KCNT2: variants seen among roughly 807,000 people sequenced by gnomAD.
KCNT2 encodes the protein potassium sodium-activated channel subfamily T member 2, also known as potassium channel subfamily T member 2.
Under a neutral mutation model 153.8 loss-of-function variants are expected in KCNT2, and 67 were observed. The ratio of observed to expected loss-of-function variants is 0.44; its 90% CI spans 0.36 to 0.53. The LOEUF (loss-of-function observed/expected upper bound fraction) is 0.53. Among genes scored for constraint, KCNT2 ranks in the 20% least tolerant of loss-of-function variants. The probability of loss-of-function intolerance (pLI) is 0.00; values close to 1 mark genes in which losing one functional copy is unlikely to be tolerated. For synonymous variants in KCNT2, 500 were observed against 458.8 expected, an observed-to-expected ratio of 1.09 and a Z score of -1.15; for missense variants, 975 against 1,354.8, an observed-to-expected ratio of 0.72 and a Z score of 4.40.
intron 8 of KCNT2, among the ~76,000 whole-genome samples, chr1:196,443,005 A>G (rs985444222): frequency 6.6e-6 from 1 of 151,608 alleles, no homozygotes. Context: ...TAGATAAATA[A>G]GGTGGTGACT....
intron 1 of KCNT2, 56 bp downstream of exon 1, chr1:196,608,159 A>C: frequency 6.6e-7 from 1 of 1,522,024 alleles, no homozygotes; most frequent in Admixed American, 1.7e-5. Flanking sequence ...CGGCCCTCCC[A>C]TTTCCGTCTC....
chr1:196,388,234 C>A (rs1012915938), intron 13 of KCNT2, among the ~76,000 whole-genome samples: 9 of 151,674 alleles, frequency 5.9e-5, no homozygotes, highest in Admixed American at 5.3e-4. Flanking sequence ...TGATCTACTT[C>A]TGGGTTGTAT....
chr1:196,550,838 G>C (rs1272813472), intron 1 of KCNT2, among the ~76,000 whole-genome samples: 1 of 151,778 alleles, frequency 6.6e-6, no homozygotes, highest in Non-Finnish European at 1.5e-5. Context: ...GAAGCTCTGA[G>C]AGAGATTGCT....
intron 1 of KCNT2, among the ~76,000 whole-genome samples, chr1:196,605,791 A>G (rs1352941044): frequency 6.6e-6 from 1 of 152,114 alleles, no homozygotes; most frequent in Non-Finnish European, 1.5e-5. Flanking sequence ...GAAAAGGGAG[A>G]AAAAAAGGAT....
At chr1:196,590,358 G>A (rs1190163963) in intron 1 of KCNT2, among the ~76,000 whole-genome samples, 1 of 152,186 alleles carries the variant, frequency 6.6e-6, no homozygotes. Context: ...ATCAGCAGAT[G>A]CCAGCTACTG....
intron 8 of KCNT2, 50 bp from the exon 9 acceptor site, chr1:196,429,807 A>C: frequency 7.8e-7 from 1 of 1,286,696 alleles, no homozygotes; most frequent in Non-Finnish European, 1.1e-6. Flanking sequence ...CTGGACACAT[A>C]ATTTCTCATC....
intron 1 of KCNT2, among the ~76,000 whole-genome samples, chr1:196,590,437 T>C (rs1256512366): frequency 1.3e-5 from 2 of 152,094 alleles, no homozygotes; most frequent in East Asian, 1.9e-4. Flanking sequence ...GAAAGAGAAA[T>C]AGTGTAATGG....
chr1:196,436,890 G>A (rs758444256), intron 8 of KCNT2, among the ~76,000 whole-genome samples: 1 of 146,988 alleles, frequency 6.8e-6, no homozygotes, highest in Non-Finnish European at 1.5e-5. Flanking sequence ...AGTGGCAAAA[G>A]AATTTAATAA....
intron 1 of KCNT2, among the ~76,000 whole-genome samples, chr1:196,495,198 T>C (rs1680161025): frequency 6.6e-6 from 1 of 152,062 alleles, no homozygotes. Context: ...TGTTTTTTGA[T>C]ACATGACTTA....
rs1462767962 is a variant in KCNT2 at position 196,546,215 on chromosome 1, T to C, written c.96-53874A>G. On this transcript the variant is annotated intron_variant, in intron 1 of 27. Coordinates refer to ENST00000294725, the MANE Select transcript of KCNT2 (RefSeq NM_198503.5). Reference sequence around the variant, plus strand: ...CCCATGCTAAATATTATTCTTCTATTCTGTGAATTATCTTTATAATTTCTT... The same window carrying C: ...CCCATGCTAAATATTATTCTTCTATCCTGTGAATTATCTTTATAATTTCTT... 2.0e-5 allele frequency among the ~76,000 whole-genome samples: 3 copies of C among 152,140 alleles called. No homozygotes were observed. The East Asian group carries it at 5.8e-4, about 29-fold the overall frequency.
At chr1:196,329,532 T>G (rs1664228632) in intron 18 of KCNT2, among the ~76,000 whole-genome samples, 1 of 151,978 alleles carries the variant, frequency 6.6e-6, no homozygotes. Context: ...ACTTTAACTG[T>G]GCATTTAAAG....
At chr1:196,396,386 T>G (rs997322288) in intron 13 of KCNT2, among the ~76,000 whole-genome samples, 5 of 151,580 alleles carry the variant, frequency 3.3e-5, no homozygotes, top group African/African-American at 9.7e-5. Flanking sequence ...GGTAAAAAGC[T>G]GCAAAATCAC....
At chr1:196,579,779 C>T (rs557927583) in intron 1 of KCNT2, among the ~76,000 whole-genome samples, 3 of 152,130 alleles carry the variant, frequency 2.0e-5, no homozygotes, top group Admixed American at 1.3e-4. Flanking sequence ...GAGCATGAGC[C>T]ACCACACTCC....
chr1:196,228,354 A>T lies in KCNT2; in HGVS notation c.3297-19T>A. ...TAAGTATCTAATAAAAGAAAACAAA[A>T]TAAATAACTTTGCAATAGTAAATAC... On this transcript the variant is annotated intron_variant, in intron 27 of 27. Transcript: ENST00000294725. 1 of 1,342,932 alleles carries T rather than the reference A, an allele frequency of 7.4e-7. No homozygotes were observed. The highest frequency in any genetic ancestry group is 1.1e-6 in the Non-Finnish European group (1 of 943,928). The allele number at this position is 1,342,932 out of a possible 1,614,324, so 83.2% of individuals were successfully genotyped here. A position where few individuals can be genotyped will look rare whatever the true frequency, so the allele number is the denominator to read the frequency against.
chr1:196,425,647 G>T lies in KCNT2; in HGVS notation c.1121+205C>A, dbSNP rs531300562. Among the ~76,000 whole-genome samples, 6 of 152,008 alleles carry T rather than the reference G, an allele frequency of 3.9e-5. No individual in the cohort carries two copies. The East Asian group carries it at 7.8e-4, about 20-fold the overall frequency. On this transcript the variant is annotated intron_variant, in intron 11 of 27. Coordinates refer to ENST00000294725, the MANE Select transcript of KCNT2 (RefSeq NM_198503.5). ...CTGAACAGTTTTGCCTTGAGATGAG[G>T]CTGAAAAAGAGGAGTAAACACACTG...
chr1:196,375,392 C>G (rs61820893), intron 13 of KCNT2, among the ~76,000 whole-genome samples: 1 of 151,744 alleles, frequency 6.6e-6, no homozygotes, highest in Non-Finnish European at 1.5e-5. Context: ...TGCACTGTTC[C>G]TTTGTACACT....
At chr1:196,361,817 A>T (rs1190709219) in intron 14 of KCNT2, among the ~76,000 whole-genome samples, 2 of 152,162 alleles carry the variant, frequency 1.3e-5, no homozygotes, top group African/African-American at 2.4e-5. Context: ...AAGTTATATC[A>T]AATAAAGTTC....
intron 1 of KCNT2, among the ~76,000 whole-genome samples, chr1:196,544,377 T>C (rs1172922243): frequency 6.6e-6 from 1 of 151,992 alleles, no homozygotes; most frequent in Non-Finnish European, 1.5e-5. Flanking sequence ...AAATTGATGG[T>C]CTTTAGAAAT....
At chr1:196,356,313 C>G (rs1667172142) in intron 14 of KCNT2, among the ~76,000 whole-genome samples, 1 of 151,644 alleles carries the variant, frequency 6.6e-6, no homozygotes, top group Non-Finnish European at 1.5e-5. Context: ...GAGTAATTGT[C>G]TATTAATCAG....
Sources: gnomAD v4.1 joint callset for allele counts (sites outside exome capture counted in the v4.1 genomes callset) on GRCh38, gnomAD v4.1.1 for gene constraint, MANE v1.5 for transcripts, NCBI Gene and HGNC (gene_info 2026-07-23, HGNC 2026-07-21) for gene names.